The following ADAM12 variants were observed in gnomAD, a reference collection of about 807,000 sequenced individuals.
The protein encoded by ADAM12 is ADAM metallopeptidase domain 12.
In ADAM12, 70 loss-of-function variants were observed where a neutral mutation model predicts 106.4. The ratio of observed to expected loss-of-function variants is 0.66; its 90% confidence interval spans 0.54 to 0.80. ADAM12 has a LOEUF of 0.80. Among genes scored for constraint, ADAM12 ranks in the 30% least tolerant of loss-of-function variants. The pLI, the probability that ADAM12 is intolerant of heterozygous loss-of-function variation, is 0.00. For synonymous variants in ADAM12, 420 were observed against 433.5 expected (o/e 0.97, Z 0.39); for missense variants, 1,010 against 1,171.9 (o/e 0.86, Z 2.02).
At chr10:126,116,810 AGAC>A (rs1955992062) in intron 6 of ADAM12, among the ~76,000 whole-genome samples, 1 of 152,220 alleles carries the variant, frequency 6.6e-6, no homozygotes, top group African/African-American at 2.4e-5. Flanking sequence ...TTAGGGGAAC[AGAC>A]ATCTATCCAC....
intron 20 of ADAM12, among the ~76,000 whole-genome samples, chr10:126,036,589 C>CAAAT (rs1245153531): frequency 6.6e-6 from 1 of 152,112 alleles, no homozygotes; most frequent in Non-Finnish European, 1.5e-5. Context: ...AACTGTTTAA[C>CAAAT]AAATAGGTGC....
rs969320975 is a variant in ADAM12, at chr10:126,043,646, C to T, written c.1996-498G>A. ...CCGGGTCCCACGCCAGGCTGGGGTC[C>T]GAGGCAGGCCCCCCGTTTCCTGAGC... On this transcript the variant is annotated intron_variant, in intron 17 of 22. Coordinates refer to ENST00000448723, the MANE Select transcript of ADAM12 (RefSeq NM_001288973.2). This position sits in a 1 kb window ranked among gnomAD's most constrained non-coding sequence, Gnocchi z 4.1. Among the ~76,000 whole-genome samples, 1 of 152,150 alleles carries T rather than the reference C, an allele frequency of 6.6e-6. No homozygotes were observed. The highest frequency in any genetic ancestry group is 6.5e-5 in the Admixed American group (1 of 15,284).
intron 8 of ADAM12, 149 bp downstream of exon 8, chr10:126,108,444 G>T: frequency 1.5e-6 from 1 of 676,772 alleles, no homozygotes; most frequent in South Asian, 1.9e-5. Flanking sequence ...CCAGGACCCA[G>T]GAATTACACA....
intron 1 of ADAM12, among the ~76,000 whole-genome samples, chr10:126,372,826 A>G (rs1475422580): frequency 6.6e-6 from 1 of 152,224 alleles, no homozygotes; most frequent in Admixed American, 6.5e-5. Context: ...AGGGAGAAAG[A>G]AGGATGATAA....
rs1954814534 is a variant in ADAM12, at chr10:126,064,138, T to G, written c.1609+668A>C. ...TGTTGGAGGGTCAGAAGAGACAAAGTGTGCCAAGTGCCCAGCCTGAACTGG... is the reference window on the plus strand; with the variant it reads ...TGTTGGAGGGTCAGAAGAGACAAAGGGTGCCAAGTGCCCAGCCTGAACTGG... On this transcript the variant is annotated intron_variant, in intron 14 of 22. Transcript: ENST00000448723. This position sits in a 1 kb window ranked among gnomAD's most constrained non-coding sequence, Gnocchi z 4.4. Among the ~76,000 whole-genome samples, 1 of 152,202 alleles carries G rather than the reference T, an allele frequency of 6.6e-6. No individual in the cohort carries two copies. The highest frequency in any genetic ancestry group is 2.4e-5 in the African/African-American group (1 of 41,450).
Position 126,043,053 on chromosome 10 carries a change from G to T in ADAM12, c.2091C>A (p.Pro697=), listed in dbSNP as rs748481350. The part of the protein sequence containing the change: ...FGFGGSTDSG[P]IRQADNQGLT... ...GGCTTCACTGACCTGCTTGCCGGAT[G>T]GGGCCGCTGTCTGTGCTTCCTCCAA... Residue 697 remains proline, a synonymous_variant, in exon 18 of 23, where the codon CCC becomes CCA. Coordinates refer to ENST00000448723, the MANE Select transcript of ADAM12 (RefSeq NM_001288973.2). This position sits in a 1 kb window ranked among gnomAD's most constrained non-coding sequence, Gnocchi z 4.1. The T allele has an allele frequency of 6.2e-7, 1 of 1,614,170 alleles. No individual in the cohort carries two copies. Among genetic ancestry groups the T allele is most frequent in the Non-Finnish European group, 8.5e-7 (1 of 1,180,010 alleles).
intron 3 of ADAM12, among the ~76,000 whole-genome samples, chr10:126,174,899 C>A (rs1308199165): frequency 2.0e-5 from 3 of 151,994 alleles, no homozygotes; most frequent in Non-Finnish European, 4.4e-5. Context: ...ACTACAGGCA[C>A]CTGCCACCAC....
chr10:126,185,093 G>A (rs541637159), intron 3 of ADAM12, among the ~76,000 whole-genome samples: 10 of 152,292 alleles, frequency 6.6e-5, no homozygotes, highest in South Asian at 6.2e-4. Flanking sequence ...TTTCAGGACC[G>A]TCTTGCACAT....
chr10:126,249,557 G>A (rs915880033), intron 3 of ADAM12, among the ~76,000 whole-genome samples: 5 of 152,162 alleles, frequency 3.3e-5, no homozygotes, highest in African/African-American at 9.7e-5. Context: ...AATTAGCCGC[G>A]TGTGGTGGCG....
intron 5 of ADAM12, among the ~76,000 whole-genome samples, chr10:126,121,350 CAT>C (rs1426042913): frequency 3.4e-5 from 4 of 119,092 alleles, no homozygotes; most frequent in Non-Finnish European, 6.5e-5. Flanking sequence ...TTACATGTAA[CAT>C]ATATTATATA....
In ADAM12 at chr10:126,367,367, A is replaced by G. The variant is rs142262551; in HGVS notation, c.88+20691T>C. 7.2e-5 allele frequency among the ~76,000 whole-genome samples: 11 copies of G among 152,102 alleles called. No individual in the cohort carries two copies. In the East Asian group the frequency reaches 2.1e-3, roughly 29 times the overall value. On this transcript the variant is annotated intron_variant, in intron 1 of 22. Transcript: ENST00000448723. ...GAATTTTTTAAAATATTTTAAACTG[A>G]CGATAATGAAAAAATAACCTATACA... is the stretch of plus-strand genomic sequence containing the variant.
intron 21 of ADAM12, among the ~76,000 whole-genome samples, chr10:126,026,127 C>T (rs1953868227): frequency 6.6e-6 from 1 of 151,892 alleles, no homozygotes; most frequent in Non-Finnish European, 1.5e-5. Context: ...CACACAGGCT[C>T]AAAACAAAGG....
intron 3 of ADAM12, among the ~76,000 whole-genome samples, chr10:126,173,867 G>A (rs1001005956): frequency 6.6e-6 from 1 of 151,932 alleles, no homozygotes; most frequent in Non-Finnish European, 1.5e-5. Context: ...AGGGGTCTGG[G>A]GGCTAGGAAT....
intron 6 of ADAM12, among the ~76,000 whole-genome samples, chr10:126,112,341 T>C (rs1955885963): frequency 6.6e-6 from 1 of 151,848 alleles, no homozygotes; most frequent in African/African-American, 2.4e-5. Flanking sequence ...TCCTGTTTTT[T>C]TTTTTTTAAA....
chr10:126,308,976 G>A (rs1436219122), intron 2 of ADAM12, among the ~76,000 whole-genome samples: 5 of 152,064 alleles, frequency 3.3e-5, no homozygotes. Flanking sequence ...TGCCATTTTT[G>A]CCTGCTTGCC....
At chr10:126,086,668 AAAAAAAAAAAAAATATATATAT>A (rs1232549728) in intron 11 of ADAM12, among the ~76,000 whole-genome samples, 966 of 47,798 alleles carry the variant, frequency 0.02, 67 homozygotes, top group African/African-American at 0.13. Context: ...AAAAAAAAAA[AAAAAAAAAAAAAATATATATAT>A]ATATATATAT....
Position 126,016,504 on chromosome 10 carries a change from AAAG to A in ADAM12, c.*772_*774del, listed in dbSNP as rs762615706. 1.3e-5 allele frequency: 2 copies of A among 152,352 alleles called. No homozygotes were observed. The highest frequency in any genetic ancestry group is 4.8e-5 in the African/African-American group (2 of 41,584). The allele number at this position is 152,352 out of a possible 1,614,324, so 9.4% of individuals were successfully genotyped here. On this transcript the variant is annotated 3_prime_UTR_variant, in exon 23 of 23. Transcript: ENST00000448723. Reference sequence around the variant, plus strand: ...AGTGCTCTAGAAAGGACAGCGAGAAAAAGAAGTGCTTGGCATTTCTATCAAGCA... The same window carrying A: ...AGTGCTCTAGAAAGGACAGCGAGAAAAAGTGCTTGGCATTTCTATCAAGCA...
intron 12 of ADAM12, 103 bp downstream of exon 12, chr10:126,071,374 T>A (rs7903316): frequency 0.2 from 287,152 of 1,401,040 alleles, 31,611 homozygotes; most frequent in South Asian, 0.26. Context: ...CTTCCTGAGT[T>A]CTAGTACTTT....
chr10:126,196,478 C>T (rs1263191920), intron 3 of ADAM12, among the ~76,000 whole-genome samples: 3 of 152,192 alleles, frequency 2.0e-5, no homozygotes, highest in Admixed American at 6.5e-5. Flanking sequence ...ATGGCTTTAA[C>T]TTTCTGAAGT....
Sources: allele counts gnomAD v4.1 joint callset (sites outside exome capture counted in the v4.1 genomes callset), GRCh38; gene constraint gnomAD v4.1.1; non-coding constraint Gnocchi (gnomAD v3.1); transcripts MANE v1.5; gene names NCBI Gene and HGNC (gene_info 2026-07-23, HGNC 2026-07-21).